Variants in HEATR5B observed in about 807,000 individuals in gnomAD.
HEATR5B encodes HEAT repeat containing 5B, also known as HEAT repeat-containing protein 5B.
Under a neutral mutation model 224.1 loss-of-function variants are expected in HEATR5B, and 156 were observed. The observed-to-expected ratio is 0.70, with a 90% confidence interval of 0.61 to 0.80. The LOEUF is 0.80. Among genes scored for constraint, HEATR5B ranks in the 30% least tolerant of loss-of-function variants. The pLI is 0.00. For missense variants in HEATR5B, 2,323 were observed against 2,535.5 expected (o/e 0.92, Z 1.80); for synonymous variants, 1,027 against 893.0 (o/e 1.15, Z -2.68).
chr2:36,993,996 G>C (rs145679182), intron 33 of HEATR5B, among the ~76,000 whole-genome samples: 2,278 of 152,178 alleles, frequency 0.015, 34 homozygotes, highest in Middle Eastern at 0.14. Context: ...GCTCTATGAC[G>C]GTTATTATTA....
Position 37,075,495 on chromosome 2 carries a change from G to A in HEATR5B, c.587C>T (p.Ala196Val), listed in dbSNP as rs368472832. 1.2e-6 allele frequency: 2 copies of A among 1,612,312 alleles called. No homozygotes were observed. Among genetic ancestry groups the A allele is most frequent in the Middle Eastern group, 1.6e-4 (1 of 6,080 alleles). ...TGGTCGAGTACTAACCTTGGCCACT[G>A]CACATCGAACAGCCATTGACCTATC... ...LTDRSMAVRC[A>V]VAKCLLELQN... Residue 196 changes from alanine (A) to valine (V), a missense_variant, in exon 5 of 36, where the codon GCA (alanine) becomes GTA (valine). By Grantham distance (64) the Ala-to-Val change is moderately conservative. Coordinates refer to ENST00000233099, the MANE Select transcript of HEATR5B (RefSeq NM_019024.3).
At chr2:37,047,119 G>C (rs1670253483) in intron 18 of HEATR5B, among the ~76,000 whole-genome samples, 1 of 150,086 alleles carries the variant, frequency 6.7e-6, no homozygotes, top group Non-Finnish European at 1.5e-5. Context: ...TGAGGTGAGA[G>C]GGCTGCTTTA....
chr2:37,058,687 T>C (rs1671065341), intron 13 of HEATR5B, 127 bp from the exon 14 acceptor site: 3 of 716,492 alleles, frequency 4.2e-6, no homozygotes, highest in East Asian at 2.7e-5. Context: ...TTAGCTTATG[T>C]TGTGATCTTT....
chr2:37,045,214 T>C (rs183704350), intron 18 of HEATR5B, among the ~76,000 whole-genome samples: 99 of 152,286 alleles, frequency 6.5e-4, no homozygotes, highest in Non-Finnish European at 1.2e-3. Flanking sequence ...CCGTTTCTAT[T>C]GATTGATGTT....
chr2:37,051,112 C>T (rs1018042362), intron 17 of HEATR5B, among the ~76,000 whole-genome samples: 8 of 151,800 alleles, frequency 5.3e-5, no homozygotes, highest in Non-Finnish European at 8.8e-5. Flanking sequence ...AATCCCAGCA[C>T]TTTGGGAAGC....
rs1671942798 is a variant in HEATR5B, at chr2:37,072,107, T to C, written c.769+3A>G. ...GGTCTAAATCAAGGGCAAACAACAA[T>C]ACCTGTTGCCTGTTTTGGCATTAAT... On this transcript the variant is annotated splice_donor_region_variant and intron_variant, in intron 6 of 35. Transcript: ENST00000233099. 2 of 1,610,562 alleles carry C rather than the reference T, an allele frequency of 1.2e-6. No individual in the cohort carries two copies. The highest frequency in any genetic ancestry group is 2.2e-5 in the East Asian group (1 of 44,790).
At position 37,069,900 on chromosome 2, in the gene HEATR5B, C is replaced by CTT. The variant is rs11372186; in HGVS notation, c.927+328_927+329dup. Among the ~76,000 whole-genome samples the CTT allele has an allele frequency of 2.2e-3, 304 of 140,264 alleles. 1 individual carries two copies. Among genetic ancestry groups the CTT allele is most frequent in the South Asian group, 2.7e-3 (12 of 4,500 alleles). The allele number at this position is 140,264 out of a possible 152,430, so 92.0% of individuals were successfully genotyped here. ...GTTTCACAAGTGATATGAACAAAAT[C>CTT]TTTTTTTTTTTTTTTGAGATGGAGT... On this transcript the variant is annotated intron_variant, in intron 7 of 35. Transcript: ENST00000233099.
At chr2:37,012,174 G>T (rs999483467) in intron 27 of HEATR5B, among the ~76,000 whole-genome samples, 2 of 152,044 alleles carry the variant, frequency 1.3e-5, no homozygotes, top group African/African-American at 4.8e-5. Context: ...ATATAAACAC[G>T]CTCAGTTTTT....
In HEATR5B at chr2:37,049,807, C is replaced by T; in HGVS notation, c.2542G>A (p.Glu848Lys). 1 of 1,606,554 alleles carries T rather than the reference C, an allele frequency of 6.2e-7. No individual in the cohort carries two copies. Residue 848 changes from glutamate (E) to lysine (K), a missense_variant, in exon 18 of 36, where the codon GAA (glutamate) becomes AAA (lysine). By Grantham distance (56) the Glu-to-Lys change is moderately conservative. Around this residue, in one of 12 missense-constraint regions of HEATR5B, gnomAD observed 170 missense variants for 216.7 expected, o/e 0.78. Transcript: ENST00000233099. Reference sequence around the variant, plus strand: ...AGTGTCAGGGCAGATTTACGAACTTCCTCAGGTCCTAAAGTACTTTTGTTT... The same window carrying T: ...AGTGTCAGGGCAGATTTACGAACTTTCTCAGGTCCTAAAGTACTTTTGTTT... ...AENKSTLGPE[E>K]VRKSALTLVM...
At chr2:37,055,009 T>A (rs1312709787) in intron 16 of HEATR5B, 1 of 293,646 alleles carries the variant, frequency 3.4e-6, no homozygotes, top group Non-Finnish European at 7.1e-6. Context: ...CATATGAAGA[T>A]ACAGATTCAG....
At position 36,988,011 on chromosome 2, in the gene HEATR5B, G is replaced by C. The variant is rs75282367; in HGVS notation, c.5911+635C>G. ...TGTTTCAGTGCAGGAGGCAGAGGTT[G>C]CAGTGAGCCAAGATGGTGCCATTGC... On this transcript the variant is annotated intron_variant, in intron 35 of 35. Coordinates refer to ENST00000233099, the MANE Select transcript of HEATR5B (RefSeq NM_019024.3). Among the ~76,000 whole-genome samples, 19 of 151,938 alleles carry C rather than the reference G, an allele frequency of 1.3e-4. No homozygotes were observed. In the East Asian group the frequency reaches 2.5e-3, roughly 20 times the overall value.
rs1363117180 is a variant in HEATR5B, at chr2:37,075,516, C to T, written c.566G>A (p.Arg189Lys). The stretch of plus-strand genomic sequence containing the variant: ...CACTGCACATCGAACAGCCATTGAC[C>T]TATCAGTCAAGAGAGACCTGGCATT... The part of the protein sequence containing the change: ...YKNARSLLTD[R>K]SMAVRCAVAK... Residue 189 changes from arginine (R) to lysine (K), a missense_variant, in exon 5 of 36, where the codon AGG becomes AAG. Arg to Lys is a conservative substitution (Grantham distance 26). This residue lies in a region of HEATR5B where 292 missense variants were observed against 332.6 expected (regional missense o/e 0.88). Coordinates refer to ENST00000233099, the MANE Select transcript of HEATR5B (RefSeq NM_019024.3). The T allele has an allele frequency of 1.9e-6, 3 of 1,613,790 alleles. No individual in the cohort carries two copies. The highest frequency in any genetic ancestry group is 8.5e-7 in the Non-Finnish European group (1 of 1,179,782).
At position 37,003,630 on chromosome 2, in the gene HEATR5B, T is replaced by C. The variant is rs770690770; in HGVS notation, c.4962A>G (p.Pro1654=). ...VLHRLLLTWN[P]SSVQLLVTGV... ...CAGTAACCAACAGCTGGACAGATGATGGATTCCAGGTCAATAGAAGGCGGT... is the reference window on the plus strand; with the variant it reads ...CAGTAACCAACAGCTGGACAGATGACGGATTCCAGGTCAATAGAAGGCGGT... Residue 1654 remains proline (P), a synonymous_variant, in exon 31 of 36, where the codon CCA becomes CCG. Transcript: ENST00000233099. 3.1e-6 allele frequency: 5 copies of C among 1,612,856 alleles called. No homozygotes were observed. Among genetic ancestry groups the C allele is most frequent in the Admixed American group, 1.7e-5 (1 of 59,982 alleles).
intron 14 of HEATR5B, 59 bp downstream of exon 14, chr2:37,058,392 A>C: frequency 1.0e-6 from 1 of 960,184 alleles, no homozygotes; most frequent in Non-Finnish European, 1.7e-6. Flanking sequence ...AAGACTCTAT[A>C]ATACGGTGAA....
chr2:37,054,275 A>G (rs1257805470), intron 16 of HEATR5B, among the ~76,000 whole-genome samples: 5 of 146,170 alleles, frequency 3.4e-5, no homozygotes, highest in Non-Finnish European at 7.4e-5. Context: ...GCTCACCACA[A>G]TCTCCACCTC....
At chr2:37,080,324 C>T (rs1015753982) in intron 2 of HEATR5B, among the ~76,000 whole-genome samples, 2 of 152,136 alleles carry the variant, frequency 1.3e-5, no homozygotes, top group South Asian at 2.1e-4. Flanking sequence ...ATGTTTTTAA[C>T]AGGCTCACTC....
rs1668073492 is a variant in HEATR5B, at chr2:37,015,782, T to C, written c.4105-1762A>G. Among the ~76,000 whole-genome samples the C allele has an allele frequency of 2.0e-5, 3 of 152,192 alleles. 1 individual carries two copies. The South Asian group carries it at 6.2e-4, about 31-fold the overall frequency. ...AGATATTCAGCAGGCAATTAAAAAC[T>C]TGGGTCTGGATTTCAGGAGCAAGTT... On this transcript the variant is annotated intron_variant, in intron 26 of 35. Coordinates refer to ENST00000233099, the MANE Select transcript of HEATR5B (RefSeq NM_019024.3).
intron 22 of HEATR5B, among the ~76,000 whole-genome samples, chr2:37,029,269 A>C (rs1360553544): frequency 6.6e-6 from 1 of 152,258 alleles, no homozygotes; most frequent in Admixed American, 6.5e-5. Flanking sequence ...TAGAAGAATA[A>C]ATTGAAACTT....
rs1667592736 is a variant in HEATR5B at position 37,008,756 on chromosome 2, A to G, written c.4377T>C (p.Gly1459=). The part of the protein sequence containing the change: ...KNTDDDDDDC[G]TIDELPPDSL... Reference sequence around the variant, plus strand: ...TATCTGGTGGCAGTTCATCGATGGTACCACAGTCGTCATCATCATCGTCAG... The same window carrying G: ...TATCTGGTGGCAGTTCATCGATGGTGCCACAGTCGTCATCATCATCGTCAG... The change falls in exon 28 of 36, where the codon GGT becomes GGC. Residue 1459 remains glycine, a synonymous_variant. Coordinates refer to ENST00000233099, the MANE Select transcript of HEATR5B (RefSeq NM_019024.3). 6.2e-7 allele frequency: 1 copy of G among 1,613,974 alleles called. No individual in the cohort carries two copies. Among genetic ancestry groups the G allele is most frequent in the Non-Finnish European group, 8.5e-7 (1 of 1,179,838 alleles).
Sources: gnomAD v4.1 joint callset for allele counts (sites outside exome capture counted in the v4.1 genomes callset) on GRCh38, gnomAD v4.1.1 for gene constraint, gnomAD v4.1.1 regional missense constraint, MANE v1.5 for transcripts, NCBI Gene and HGNC (gene_info 2026-07-23, HGNC 2026-07-21) for gene names.